The following SLIT3 variants were observed in gnomAD, a reference collection of about 807,000 sequenced individuals.
The protein encoded by SLIT3 is slit guidance ligand 3.
SLIT3 carries 68 observed loss-of-function variants against 184.0 expected under a neutral mutation model. That is an observed-to-expected ratio of 0.37 (90% CI 0.30 to 0.45). The LOEUF (loss-of-function observed/expected upper bound fraction) is 0.45. SLIT3 is among the 20% of genes least tolerant of loss of function. SLIT3 has a pLI of 1.00. For missense variants in SLIT3, 1,707 were observed against 2,026.0 expected (o/e 0.84, Z 3.02); for synonymous variants, 831 against 828.6 (o/e 1.00, Z -0.05).
chr5:168,803,104 C>A (rs1208457241), intron 9 of SLIT3, among the ~76,000 whole-genome samples: 1 of 152,168 alleles, frequency 6.6e-6, no homozygotes, highest in African/African-American at 2.4e-5. Flanking sequence ...GGTGACAAGA[C>A]CTTTTATTTT....
chr5:168,897,647 T>TGCGCGCACACACACAC (rs3223457), intron 4 of SLIT3, among the ~76,000 whole-genome samples: 1 of 141,414 alleles, frequency 7.1e-6, no homozygotes, highest in African/African-American at 2.6e-5. Context: ...CAGGTGCACG[T>TGCGCGCACACACACAC]ACACACACAC....
chr5:168,774,527 C>G, intron 12 of SLIT3, 149 bp from the exon 13 acceptor site: 2 of 835,992 alleles, frequency 2.4e-6, no homozygotes, highest in Non-Finnish European at 3.7e-6. Flanking sequence ...AAGAGAGAGA[C>G]CTGCCTTCCT....
At chr5:169,201,259 A>G (rs537436739) in intron 3 of SLIT3, among the ~76,000 whole-genome samples, 1 of 152,324 alleles carries the variant, frequency 6.6e-6, no homozygotes, top group South Asian at 2.1e-4. Flanking sequence ...TGACATTTCT[A>G]TAGGAGAAAG....
chr5:169,158,709 G>A (rs527382150), intron 4 of SLIT3, among the ~76,000 whole-genome samples: 69 of 152,282 alleles, frequency 4.5e-4, no homozygotes, highest in Admixed American at 8.5e-4. Context: ...AAAGGGAAGT[G>A]AGGTTTCTAC....
At chr5:168,997,223 G>C (rs1471867351) in intron 4 of SLIT3, among the ~76,000 whole-genome samples, 1 of 152,152 alleles carries the variant, frequency 6.6e-6, no homozygotes, top group East Asian at 1.9e-4. Context: ...CTGGGACCTG[G>C]GAAAAGCTGG....
At chr5:168,839,158 C>G (rs1337808016) in intron 6 of SLIT3, among the ~76,000 whole-genome samples, 1 of 152,134 alleles carries the variant, frequency 6.6e-6, no homozygotes, top group African/African-American at 2.4e-5. Context: ...TGCTTAGGTT[C>G]GGGCGTCCTG....
At chr5:169,014,285 T>A (rs1756280735) in intron 4 of SLIT3, among the ~76,000 whole-genome samples, 1 of 152,122 alleles carries the variant, frequency 6.6e-6, no homozygotes, top group Non-Finnish European at 1.5e-5. Context: ...GTATTCTTAT[T>A]CTCTCTCTCC....
At chr5:168,887,660 C>T (rs527880909) in intron 4 of SLIT3, among the ~76,000 whole-genome samples, 17 of 152,270 alleles carry the variant, frequency 1.1e-4, no homozygotes, top group Admixed American at 2.6e-4. Flanking sequence ...CTAAGTCATA[C>T]GGATAGTGCG....
chr5:169,192,504 T>C (rs1245694751), intron 4 of SLIT3, among the ~76,000 whole-genome samples: 1 of 151,778 alleles, frequency 6.6e-6, no homozygotes, highest in African/African-American at 2.4e-5. Context: ...CATTCGTAAG[T>C]GCACACACTG....
chr5:168,799,107 G>A (rs1167557320), intron 9 of SLIT3, among the ~76,000 whole-genome samples: 5 of 152,184 alleles, frequency 3.3e-5, no homozygotes, highest in African/African-American at 1.2e-4. Context: ...AGCAAGGTTG[G>A]AAAGTGTGCA....
rs532601985 is a variant in SLIT3 at position 168,794,623 on chromosome 5, G to T, written c.1007+884C>A. On this transcript the variant is annotated intron_variant, in intron 10 of 35. Transcript: ENST00000519560. Reference sequence around the variant, plus strand: ...TACAGAGCTAATGGGGATGTAGGGGGTGCTCACATGTTGACCATACCCTCC... The same window carrying T: ...TACAGAGCTAATGGGGATGTAGGGGTTGCTCACATGTTGACCATACCCTCC... Among the ~76,000 whole-genome samples the T allele has an allele frequency of 3.3e-5, 5 of 152,272 alleles. No homozygotes were observed. In the South Asian group the frequency reaches 1.0e-3, roughly 32 times the overall value.
At chr5:168,928,866 G>A (rs1242011525) in intron 4 of SLIT3, among the ~76,000 whole-genome samples, 1 of 152,162 alleles carries the variant, frequency 6.6e-6, no homozygotes, top group Non-Finnish European at 1.5e-5. Flanking sequence ...AAGTAACCCA[G>A]GCTGAGATAA....
chr5:169,141,575 T>C (rs1380740820), intron 4 of SLIT3, among the ~76,000 whole-genome samples: 1 of 151,330 alleles, frequency 6.6e-6, no homozygotes, highest in East Asian at 1.9e-4. Flanking sequence ...CTGTGTCTAC[T>C]AAAAATACAA....
At chr5:168,870,931 C>A (rs1211780177) in intron 5 of SLIT3, among the ~76,000 whole-genome samples, 2 of 152,144 alleles carry the variant, frequency 1.3e-5, no homozygotes, top group African/African-American at 4.8e-5. Context: ...TTGGTGACAG[C>A]CTGAGGGTGG....
chr5:169,100,095 G>C (rs1458023910), intron 4 of SLIT3, among the ~76,000 whole-genome samples: 1 of 152,136 alleles, frequency 6.6e-6, no homozygotes, highest in Non-Finnish European at 1.5e-5. Context: ...CTAATGCTGG[G>C]GGTAAGTGAA....
intron 5 of SLIT3, among the ~76,000 whole-genome samples, chr5:168,874,444 T>C (rs1561980879): frequency 6.6e-6 from 1 of 152,206 alleles, no homozygotes; most frequent in Non-Finnish European, 1.5e-5. Flanking sequence ...ATACTAGGCA[T>C]AGGACTAACT....
chr5:168,685,826 T>G lies in SLIT3; in HGVS notation c.3416A>C (p.Gln1139Pro). 6.2e-7 allele frequency: 1 copy of G among 1,613,890 alleles called. No homozygotes were observed. The highest frequency in any genetic ancestry group is 1.1e-5 in the South Asian group (1 of 91,056). ...TGGTGGGCAGCGGCAGGTGGGCTCC[T>G]GCTGCACCACGATGCACTGGGCCCC... The part of the protein sequence containing the change: ...QNGAQCIVVQ[Q>P]EPTCRCPPGF... The change falls in exon 31 of 36, where the codon CAG becomes CCG. Residue 1139 changes from glutamine (Q) to proline (P), a missense_variant. Physicochemically the swap from Gln to Pro is moderately conservative, Grantham distance 76 (BLOSUM62 -1). Around this residue, in one of 3 missense-constraint regions of SLIT3, gnomAD observed 1,307 missense variants for 1,511.6 expected, o/e 0.86. Coordinates refer to ENST00000519560, the MANE Select transcript of SLIT3 (RefSeq NM_003062.4).
intron 11 of SLIT3, among the ~76,000 whole-genome samples, chr5:168,788,693 C>A (rs1756249305): frequency 7.0e-6 from 1 of 142,294 alleles, no homozygotes; most frequent in South Asian, 2.3e-4. Context: ...CTCGGTGGAG[C>A]TTAGATTGTC....
intron 1 of SLIT3, among the ~76,000 whole-genome samples, chr5:169,299,538 C>T (rs1455586439): frequency 6.6e-6 from 1 of 152,134 alleles, no homozygotes; most frequent in Non-Finnish European, 1.5e-5. Flanking sequence ...CGGCTGGGTT[C>T]CCAGTAAGGC....
Sources: allele counts gnomAD v4.1 joint callset (sites outside exome capture counted in the v4.1 genomes callset), GRCh38; gene constraint gnomAD v4.1.1; regional missense constraint gnomAD v4.1.1; transcripts MANE v1.5; gene names NCBI Gene and HGNC (gene_info 2026-07-23, HGNC 2026-07-21).